ZFHX3: variants seen among roughly 807,000 people sequenced by gnomAD.
ZFHX3 encodes the protein zinc finger homeobox protein 3.
ZFHX3 carries 42 observed loss-of-function variants against 279.1 expected under a neutral mutation model. The ratio of observed to expected loss-of-function variants is 0.15; its 90% CI spans 0.12 to 0.19. The LOEUF is 0.19. Among genes scored for constraint, ZFHX3 ranks in the 10% least tolerant of loss-of-function variants. The pLI, the probability that ZFHX3 is intolerant of heterozygous loss-of-function variation, is 1.00. For missense variants in ZFHX3, 4,981 were observed against 4,754.0 expected (o/e 1.05, Z -1.40); for synonymous variants, 2,293 against 1,957.8 (o/e 1.17, Z -4.52).
chr16:73,794,046 A>G (rs1026931877), intron 1 of ZFHX3: 2 of 152,240 alleles, frequency 1.3e-5, no homozygotes, highest in Non-Finnish European at 2.9e-5. Context: ...ATGCAGCAAC[A>G]TCACATAAAA....
intron 2 of ZFHX3, among the ~76,000 whole-genome samples, chr16:73,529,662 G>A (rs1343166347): frequency 6.6e-6 from 1 of 152,212 alleles, no homozygotes; most frequent in Admixed American, 6.5e-5. Context: ...TCCAGAAAGA[G>A]TCATACCTCT....
intron 3 of ZFHX3, among the ~76,000 whole-genome samples, chr16:73,408,442 G>A (rs557702122): frequency 6.6e-6 from 1 of 152,112 alleles, no homozygotes. Context: ...AGCTGCTACT[G>A]GTTCCTCATT....
chr16:73,362,736 T>A (rs527649607), intron 3 of ZFHX3, among the ~76,000 whole-genome samples: 1 of 152,312 alleles, frequency 6.6e-6, no homozygotes, highest in Non-Finnish European at 1.5e-5. Flanking sequence ...GCCATCCTTA[T>A]CTCCTGGAGG....
intron 4 of ZFHX3, among the ~76,000 whole-genome samples, chr16:73,303,486 A>G (rs1163131156): frequency 6.6e-6 from 1 of 152,174 alleles, no homozygotes; most frequent in African/African-American, 2.4e-5. Context: ...CACCTCACAC[A>G]AATAAGACAC....
intron 1 of ZFHX3, among the ~76,000 whole-genome samples, chr16:73,876,633 G>C (rs986611703): frequency 6.6e-6 from 1 of 152,156 alleles, no homozygotes; most frequent in Admixed American, 6.5e-5. Flanking sequence ...TATAGAAATA[G>C]TTCCTTTAAT....
chr16:72,926,914 A>C (rs1331785156), intron 3 of ZFHX3, among the ~76,000 whole-genome samples: 1 of 152,234 alleles, frequency 6.6e-6, no homozygotes, highest in Non-Finnish European at 1.5e-5. Context: ...ATTACCAAGA[A>C]GCCAGCTCCC....
chr16:73,055,461 T>C (rs186964517), intron 1 of ZFHX3, among the ~76,000 whole-genome samples: 103 of 152,236 alleles, frequency 6.8e-4, no homozygotes, highest in African/African-American at 2.3e-3. Flanking sequence ...GTAGGGGTTT[T>C]GGCCTCTGAG....
At chr16:73,134,957 G>C (rs1448636146) in intron 6 of ZFHX3, among the ~76,000 whole-genome samples, 1 of 152,046 alleles carries the variant, frequency 6.6e-6, no homozygotes, top group Non-Finnish European at 1.5e-5. Context: ...AAATAGAGAG[G>C]AGATGCAATC....
At chr16:73,018,535 A>G (rs7185714) in intron 1 of ZFHX3, among the ~76,000 whole-genome samples, 87,412 of 151,900 alleles carry the variant, frequency 0.58, 26,901 homozygotes, top group East Asian at 0.84. Flanking sequence ...GGAGGCAGAG[A>G]CTGCAGTGAG....
chr16:73,808,189 G>C (rs1042347188), intron 1 of ZFHX3, among the ~76,000 whole-genome samples: 29 of 151,254 alleles, frequency 1.9e-4, no homozygotes, highest in Non-Finnish European at 3.7e-4. Flanking sequence ...GGAAGAAAAA[G>C]GTTAAAACCA....
At chr16:72,891,186 T>C (rs368851941) in intron 3 of ZFHX3, among the ~76,000 whole-genome samples, 16 of 152,346 alleles carry the variant, frequency 1.1e-4, no homozygotes, top group East Asian at 3.9e-4. Flanking sequence ...TGGCTTATCA[T>C]TGGCCAATAT....
intron 1 of ZFHX3, 59 bp from the exon 2 acceptor site, chr16:72,960,253 A>T (rs1961510739): frequency 2.2e-6 from 3 of 1,373,894 alleles, no homozygotes; most frequent in Non-Finnish European, 1.9e-6. Flanking sequence ...GAGAAAGGAA[A>T]GAGGTTAGGA....
intron 4 of ZFHX3, among the ~76,000 whole-genome samples, chr16:73,271,752 C>T (rs1051455289): frequency 2.0e-5 from 3 of 152,204 alleles, no homozygotes; most frequent in African/African-American, 7.2e-5. Flanking sequence ...ACCTACCCGT[C>T]TTCTGGTCCA....
intron 3 of ZFHX3, among the ~76,000 whole-genome samples, chr16:72,940,549 C>A (rs956022055): frequency 8.5e-5 from 13 of 152,134 alleles, no homozygotes; most frequent in Non-Finnish European, 1.5e-4. Flanking sequence ...GAAAACTCCA[C>A]AGAGGTCAGC....
intron 2 of ZFHX3, among the ~76,000 whole-genome samples, chr16:73,554,481 G>GCACTTAAA (rs1187767365): frequency 1.3e-5 from 2 of 152,218 alleles, no homozygotes; most frequent in African/African-American, 4.8e-5. Context: ...GTTGCAAATA[G>GCACTTAAA]CACTTAAACG....
chr16:73,522,045 T>C (rs773061445), intron 2 of ZFHX3, among the ~76,000 whole-genome samples: 2 of 152,210 alleles, frequency 1.3e-5, no homozygotes, highest in African/African-American at 2.4e-5. Context: ...GAAGCTCTGA[T>C]TGTCAGTTAT....
At position 73,630,844 on chromosome 16, in the gene ZFHX3, T is replaced by C. The variant is rs376077120; in HGVS notation, c.-1547+49336A>G. Among the ~76,000 whole-genome samples the C allele has an allele frequency of 1.3e-3, 205 of 152,328 alleles. 6 individuals are homozygous for C. The South Asian group carries it at 0.041, about 30-fold the overall frequency. ...TGCTATTTAAATATGTTTTTGACAA[T>C]GCCATTTCTTTGGGAGAAAGGGTAG... On this transcript the variant is annotated intron_variant, in intron 2 of 17. Coordinates refer to the ZFHX3 transcript ENST00000641206.
intron 6 of ZFHX3, among the ~76,000 whole-genome samples, chr16:73,142,506 C>T (rs912129454): frequency 1.3e-5 from 2 of 152,168 alleles, no homozygotes; most frequent in Non-Finnish European, 2.9e-5. Flanking sequence ...TGTTTCTCCC[C>T]CCATCGGCAG....
intron 1 of ZFHX3, among the ~76,000 whole-genome samples, chr16:73,844,186 A>G (rs1395842206): frequency 1.3e-5 from 2 of 152,228 alleles, no homozygotes; most frequent in East Asian, 3.8e-4. Context: ...ATGAAATAAC[A>G]ATAAGGTAAG....
Sources: allele counts gnomAD v4.1 joint callset (sites outside exome capture counted in the v4.1 genomes callset), GRCh38; gene constraint gnomAD v4.1.1; transcripts MANE v1.5; gene names NCBI Gene and HGNC (gene_info 2026-07-23, HGNC 2026-07-21).